The following HIPK3 variants were observed in gnomAD, a reference collection of about 807,000 sequenced individuals.
The protein encoded by HIPK3 is homeodomain-interacting protein kinase 3.
In HIPK3, 47 loss-of-function variants were observed where a neutral mutation model predicts 124.2. That is an observed-to-expected ratio of 0.38 (90% confidence interval 0.30 to 0.48). HIPK3 has a LOEUF of 0.48. Among genes scored for constraint, HIPK3 ranks in the 20% least tolerant of loss-of-function variants. HIPK3 has a pLI of 0.98. For missense variants in HIPK3, 1,286 were observed against 1,454.3 expected, an observed-to-expected ratio of 0.88 and a Z score of 1.88; for synonymous variants, 482 against 515.2, an observed-to-expected ratio of 0.94 and a Z score of 0.87.
intron 2 of HIPK3, among the ~76,000 whole-genome samples, chr11:33,292,448 C>T (rs1370811163): frequency 6.6e-6 from 1 of 151,880 alleles, no homozygotes; most frequent in African/African-American, 2.4e-5. Context: ...ATATAGGAAC[C>T]CAAAGGAGGG....
intron 2 of HIPK3, among the ~76,000 whole-genome samples, chr11:33,291,651 C>A (rs1851701053): frequency 6.6e-6 from 1 of 152,160 alleles, no homozygotes; most frequent in Admixed American, 6.5e-5. Context: ...GGCTCTTAAA[C>A]GTGTAAAAGG....
At chr11:33,273,512 C>CAAAAAAAAAAAAA (rs398015727) in intron 1 of HIPK3, among the ~76,000 whole-genome samples, 1 of 48,040 alleles carries the variant, frequency 2.1e-5, no homozygotes, top group Non-Finnish European at 3.3e-5. Context: ...TCTGTCTCCA[C>CAAAAAAAAAAAAA]AAAAAAAAAA....
chr11:33,321,317 G>A (rs1852656714), intron 2 of HIPK3, among the ~76,000 whole-genome samples: 2 of 152,178 alleles, frequency 1.3e-5, no homozygotes, highest in South Asian at 4.1e-4. Context: ...GGAGTTGGAG[G>A]CAGCTTGTAT....
rs1450972177 is a variant in HIPK3 at position 33,355,587 on chromosome 11, AG to A, written c.*2020del. ...AATTGTATACCACTAGTACAGCTCTAGTACAGCGTTCACAATAAGCTAATAA... is the reference window on the plus strand; with the variant it reads ...AATTGTATACCACTAGTACAGCTCTATACAGCGTTCACAATAAGCTAATAA... On this transcript the variant is annotated 3_prime_UTR_variant, in exon 17 of 17. Transcript: ENST00000303296. 6.6e-6 allele frequency: 1 copy of A among 152,082 alleles called. No individual in the cohort carries two copies. Among genetic ancestry groups the A allele is most frequent in the African/African-American group, 2.4e-5 (1 of 41,454 alleles). The allele number at this position is 152,082 out of a possible 1,614,324, so 9.4% of individuals were successfully genotyped here.
chr11:33,258,205 G>GGCCCC, intron 1 of HIPK3: 20 of 642,176 alleles, frequency 3.1e-5, no homozygotes, highest in South Asian at 7.0e-5. Context: ...GGGGGCCTCG[G>GGCCCC]CCCCCCCTCC....
chr11:33,311,910 T>TAC (rs71034671), intron 2 of HIPK3, among the ~76,000 whole-genome samples: 51,400 of 113,760 alleles, frequency 0.45, 13,093 homozygotes, highest in Non-Finnish European at 0.54. Context: ...ACCCTGTTTC[T>TAC]ACACACACAC....
rs755128120 is a variant in HIPK3 at position 33,348,731 on chromosome 11, C to G, written c.2579C>G (p.Ala860Gly). ...SDKQRQTIIIADSPSPAVSVI... is the reference protein window; with the variant it reads ...SDKQRQTIIIGDSPSPAVSVI... Reference sequence around the variant, plus strand: ...AAACAGCGGCAAACCATCATTATTGCCGACTCCCCGAGTCCTGCAGTGAGT... The same window carrying G: ...AAACAGCGGCAAACCATCATTATTGGCGACTCCCCGAGTCCTGCAGTGAGT... Residue 860 changes from alanine to glycine, a missense_variant, in exon 13 of 17, where the codon GCC becomes GGC. By Grantham distance (60) the Ala-to-Gly change is moderately conservative. Coordinates refer to ENST00000303296, the MANE Select transcript of HIPK3 (RefSeq NM_005734.5). 2 of 1,613,956 alleles carry G rather than the reference C, an allele frequency of 1.2e-6. No homozygotes were observed. The highest frequency in any genetic ancestry group is 2.7e-5 in the African/African-American group (2 of 74,894).
intron 1 of HIPK3, 34 bp downstream of exon 1, chr11:33,257,923 G>A (rs1028952382): frequency 6.0e-5 from 59 of 985,592 alleles, no homozygotes; most frequent in Non-Finnish European, 6.5e-5. Flanking sequence ...CCGCCACCCC[G>A]GGGTGGGGGG....
chr11:33,287,452 G>T lies in HIPK3; in HGVS notation c.1038G>T (p.Gly346=). The T allele has an allele frequency of 6.2e-7, 1 of 1,614,038 alleles. No individual in the cohort carries two copies. Among genetic ancestry groups the T allele is most frequent in the Non-Finnish European group, 8.5e-7 (1 of 1,179,970 alleles). Residue 346 remains glycine (G), a synonymous_variant, in exon 2 of 17, where the codon GGG becomes GGT. Coordinates refer to ENST00000303296, the MANE Select transcript of HIPK3 (RefSeq NM_005734.5). ...ACAGGGTTAAAGTAATAGACTTTGG[G>T]TCGGCCAGTCATGTATCAAAGACTG... ...QPYRVKVIDF[G]SASHVSKTVC...
rs1298728869 is a variant in HIPK3 at position 33,355,517 on chromosome 11, T to G, written c.*1949T>G. 2 of 152,032 alleles carry G rather than the reference T, an allele frequency of 1.3e-5. No homozygotes were observed. Among genetic ancestry groups the G allele is most frequent in the African/African-American group, 2.4e-5 (1 of 41,454 alleles). The allele number at this position is 152,032 out of a possible 1,614,324, so 9.4% of individuals were successfully genotyped here. A position where few individuals can be genotyped will look rare whatever the true frequency, so the allele number is the denominator to read the frequency against. On this transcript the variant is annotated 3_prime_UTR_variant, in exon 17 of 17. Coordinates refer to ENST00000303296, the MANE Select transcript of HIPK3 (RefSeq NM_005734.5). Reference sequence around the variant, plus strand: ...ATAAACAGTACAAAGCATTGGAGTGTAAAACTCTAGATGTTTTGGATTTAC... The same window carrying G: ...ATAAACAGTACAAAGCATTGGAGTGGAAAACTCTAGATGTTTTGGATTTAC...
chr11:33,295,753 GT>G (rs1449172039), intron 2 of HIPK3, among the ~76,000 whole-genome samples: 1 of 152,234 alleles, frequency 6.6e-6, no homozygotes, highest in African/African-American at 2.4e-5. Context: ...CAGAACTGAT[GT>G]TGTGTCCACA....
At chr11:33,329,047 C>T (rs1164328367) in intron 3 of HIPK3, among the ~76,000 whole-genome samples, 6 of 152,230 alleles carry the variant, frequency 3.9e-5, no homozygotes, top group Middle Eastern at 3.4e-3. Context: ...TTAAATACCT[C>T]AGTAACTTGA....
intron 1 of HIPK3, 28 bp from the exon 2 acceptor site, chr11:33,286,382 TTTC>T (rs1851551138): frequency 7.2e-7 from 1 of 1,392,594 alleles, no homozygotes; most frequent in African/African-American, 1.5e-5. Context: ...TTTCCTTTTT[TTTC>T]TTTTCCTTTT....
chr11:33,297,482 C>T (rs1325632154), intron 2 of HIPK3, among the ~76,000 whole-genome samples: 1 of 152,158 alleles, frequency 6.6e-6, no homozygotes, highest in Non-Finnish European at 1.5e-5. Context: ...GGCCTTAACT[C>T]TCTTCAATTC....
chr11:33,257,941 C>G (rs888941228), intron 1 of HIPK3, 52 bp downstream of exon 1: 1 of 985,192 alleles, frequency 1.0e-6, no homozygotes, highest in Admixed American at 6.1e-5. Flanking sequence ...GGGATCGGCT[C>G]CGTCTGCGGG....
intron 1 of HIPK3, among the ~76,000 whole-genome samples, chr11:33,276,172 A>G (rs923793522): frequency 6.6e-6 from 1 of 152,112 alleles, no homozygotes; most frequent in Non-Finnish European, 1.5e-5. Context: ...CTCTGTATCT[A>G]TATTATGTTT....
chr11:33,278,701 G>A (rs1851332775), intron 1 of HIPK3, among the ~76,000 whole-genome samples: 1 of 152,054 alleles, frequency 6.6e-6, no homozygotes, highest in African/African-American at 2.4e-5. Flanking sequence ...AAAATTAGCC[G>A]GGCGTGGTGG....
intron 2 of HIPK3, among the ~76,000 whole-genome samples, chr11:33,289,505 CT>C (rs897435570): frequency 1.3e-5 from 2 of 151,786 alleles, no homozygotes; most frequent in Non-Finnish European, 2.9e-5. Context: ...TTAGTATATT[CT>C]TTTTTTAAAA....
chr11:33,276,954 C>T (rs916437359), intron 1 of HIPK3, among the ~76,000 whole-genome samples: 16 of 152,114 alleles, frequency 1.1e-4, no homozygotes, highest in African/African-American at 3.6e-4. Flanking sequence ...ATTCACCAGC[C>T]TCGGTCTCCC....
Sources: gnomAD v4.1 joint callset for allele counts (sites outside exome capture counted in the v4.1 genomes callset) on GRCh38, gnomAD v4.1.1 for gene constraint, MANE v1.5 for transcripts, NCBI Gene and HGNC (gene_info 2026-07-23, HGNC 2026-07-21) for gene names.